MAMDC2: variants seen among roughly 807,000 people sequenced by gnomAD.
MAMDC2 encodes MAM domain-containing protein 2.
MAMDC2 carries 57 observed loss-of-function variants against 89.8 expected under a neutral mutation model. The observed-to-expected ratio is 0.63, with a 90% CI of 0.51 to 0.79. The LOEUF (loss-of-function observed/expected upper bound fraction) is 0.79, where lower values mean the gene tolerates loss of function less well. Ranked by LOEUF, MAMDC2 falls within the 30% of genes least tolerant of loss-of-function variation. The pLI is 0.00. For missense variants in MAMDC2, 800 were observed against 820.6 expected (o/e 0.97, Z 0.31); for synonymous variants, 313 against 293.4 (o/e 1.07, Z -0.68).
intron 2 of MAMDC2, among the ~76,000 whole-genome samples, chr9:70,044,955 A>AGGGG (rs1826710496): frequency 6.6e-6 from 1 of 152,230 alleles, no homozygotes; most frequent in Admixed American, 6.5e-5. Flanking sequence ...GCACTCCTTA[A>AGGGG]TGGAAGGGAG....
At chr9:70,075,577 AACAG>A (rs1390702716) in intron 2 of MAMDC2, among the ~76,000 whole-genome samples, 1 of 152,212 alleles carries the variant, frequency 6.6e-6, no homozygotes, top group Non-Finnish European at 1.5e-5. Flanking sequence ...GCCGTGAGGA[AACAG>A]ACATTTATAT....
chr9:70,184,198 G>T (rs973282152), intron 11 of MAMDC2, among the ~76,000 whole-genome samples: 1 of 152,078 alleles, frequency 6.6e-6, no homozygotes, highest in South Asian at 2.1e-4. Context: ...TAAGAATGTT[G>T]CATATTGGTC....
chr9:70,225,985 C>G lies in MAMDC2; in HGVS notation c.2014C>G (p.Gln672Glu), dbSNP rs1251446367. ...GPCGEMEDTT[Q>E]QSSGYSEDLN... Reference sequence around the variant, plus strand: ...CCTGACAGAAATGGAAGATACAACTCAACAATCATCAGGATATTCTGAGGA... The same window carrying G: ...CCTGACAGAAATGGAAGATACAACTGAACAATCATCAGGATATTCTGAGGA... Residue 672 changes from glutamine (Q) to glutamate (E), a missense_variant, in exon 14 of 14, where the codon CAA becomes GAA. Transcript: ENST00000377182. 4 of 1,585,500 alleles carry G rather than the reference C, an allele frequency of 2.5e-6. No homozygotes were observed. Among genetic ancestry groups the G allele is most frequent in the Non-Finnish European group, 3.4e-6 (4 of 1,162,264 alleles).
intron 11 of MAMDC2, chr9:70,194,234 T>A (rs114637791): frequency 2.4e-4 from 37 of 152,180 alleles, no homozygotes; most frequent in African/African-American, 8.7e-4. Flanking sequence ...TTTCCTTATA[T>A]GTAAAATAAA....
intron 7 of MAMDC2, among the ~76,000 whole-genome samples, chr9:70,133,579 C>T (rs1443687165): frequency 2.6e-5 from 4 of 152,204 alleles, no homozygotes; most frequent in African/African-American, 7.2e-5. Context: ...ATTGCATCAT[C>T]GTAGTGTTAT....
At chr9:70,117,441 A>G (rs2030058029) in intron 5 of MAMDC2, among the ~76,000 whole-genome samples, 1 of 152,158 alleles carries the variant, frequency 6.6e-6, no homozygotes, top group Non-Finnish European at 1.5e-5. Flanking sequence ...GGACACAGGG[A>G]GGGAAACATC....
chr9:70,113,252 G>A (rs1828559187), intron 5 of MAMDC2, 120 bp downstream of exon 5: 3 of 1,142,650 alleles, frequency 2.6e-6, no homozygotes, highest in Non-Finnish European at 2.5e-6. Context: ...GGAGGAGGGT[G>A]AGTAGGAACT....
chr9:70,103,811 G>A (rs555331348), intron 2 of MAMDC2, among the ~76,000 whole-genome samples: 2 of 151,962 alleles, frequency 1.3e-5, no homozygotes, highest in African/African-American at 2.4e-5. Context: ...GTGAAACCCC[G>A]TCTGTACTAA....
At chr9:70,047,312 C>T (rs1303334539) in intron 2 of MAMDC2, among the ~76,000 whole-genome samples, 1 of 152,062 alleles carries the variant, frequency 6.6e-6, no homozygotes, top group African/African-American at 2.4e-5. Context: ...GTTTTAAGCC[C>T]CGCATGCTTT....
intron 6 of MAMDC2, among the ~76,000 whole-genome samples, chr9:70,129,241 A>G (rs2030690482): frequency 6.6e-6 from 1 of 152,128 alleles, no homozygotes; most frequent in Non-Finnish European, 1.5e-5. Flanking sequence ...GTGATAGTGA[A>G]TAAGTCTCAT....
Position 70,050,013 on chromosome 9 carries a change from C to G in MAMDC2, c.148+5316C>G, listed in dbSNP as rs370430669. Reference sequence around the variant, plus strand: ...CCAGCATTGGAGGAAACATCCCTGTCTCCACTCTGGGTTCTAAACTCTGAA... The same window carrying G: ...CCAGCATTGGAGGAAACATCCCTGTGTCCACTCTGGGTTCTAAACTCTGAA... On this transcript the variant is annotated intron_variant, in intron 2 of 13. Transcript: ENST00000377182. 3.3e-5 allele frequency among the ~76,000 whole-genome samples: 5 copies of G among 152,268 alleles called. No individual in the cohort carries two copies. In the East Asian group the frequency reaches 9.7e-4, roughly 29 times the overall value.
chr9:70,213,548 C>T (rs1311468675), intron 11 of MAMDC2, among the ~76,000 whole-genome samples: 1 of 152,114 alleles, frequency 6.6e-6, no homozygotes, highest in African/African-American at 2.4e-5. Flanking sequence ...ATTTTCATGC[C>T]TTGATCTCTC....
chr9:70,107,913 C>T lies in MAMDC2; in HGVS notation c.149-298C>T, dbSNP rs367767284. Among the ~76,000 whole-genome samples the T allele has an allele frequency of 3.2e-4, 48 of 152,284 alleles. No individual in the cohort carries two copies. In the South Asian group the frequency reaches 9.7e-3, roughly 31 times the overall value. ...TAAAAGAATAAAAAGCAGAGACACT[C>T]AGTGTGAGGAGTGAAGAGGGACTGA... On this transcript the variant is annotated intron_variant, in intron 2 of 13. Coordinates refer to ENST00000377182, the MANE Select transcript of MAMDC2 (RefSeq NM_153267.5).
At chr9:70,068,369 G>A (rs12685632) in intron 2 of MAMDC2, among the ~76,000 whole-genome samples, 15,673 of 152,000 alleles carry the variant, frequency 0.1, 907 homozygotes, top group East Asian at 0.21. Context: ...GGGAGCACTG[G>A]GCTGGATAGG....
chr9:70,061,114 T>C lies in MAMDC2; in HGVS notation c.148+16417T>C, dbSNP rs556813123. On this transcript the variant is annotated intron_variant, in intron 2 of 13. Transcript: ENST00000377182. ...TATGGAGGTGTGGGATAGCCAGTAT[T>C]ACAACCAAGAGTTTACATCTGTGTT... 8.5e-5 allele frequency among the ~76,000 whole-genome samples: 13 copies of C among 152,304 alleles called. No individual in the cohort carries two copies. The South Asian group carries it at 2.7e-3, about 32-fold the overall frequency.
At chr9:70,189,069 T>C (rs1352827456) in intron 11 of MAMDC2, among the ~76,000 whole-genome samples, 1 of 152,176 alleles carries the variant, frequency 6.6e-6, no homozygotes, top group Non-Finnish European at 1.5e-5. Context: ...TTTATGCAGT[T>C]GGTTGTCTTT....
chr9:70,219,456 C>A (rs531296899), intron 12 of MAMDC2, among the ~76,000 whole-genome samples: 20 of 152,236 alleles, frequency 1.3e-4, no homozygotes, highest in Non-Finnish European at 2.6e-4. Flanking sequence ...CAGCACTCTG[C>A]GTCTTTAACC....
chr9:70,087,330 A>G (rs1472509298), intron 2 of MAMDC2: 1 of 152,178 alleles, frequency 6.6e-6, no homozygotes, highest in Admixed American at 6.5e-5. Context: ...AAGGGCATGT[A>G]GGGGCTTAAA....
intron 9 of MAMDC2, among the ~76,000 whole-genome samples, chr9:70,148,796 G>A (rs58969772): frequency 0.072 from 10,826 of 149,716 alleles, 1,027 homozygotes; most frequent in East Asian, 0.22. Context: ...TTGGGAGGCC[G>A]AGGCGGGCGG....
Sources: allele counts gnomAD v4.1 joint callset (sites outside exome capture counted in the v4.1 genomes callset), GRCh38; gene constraint gnomAD v4.1.1; transcripts MANE v1.5; gene names NCBI Gene and HGNC (gene_info 2026-07-23, HGNC 2026-07-21).